The following PIK3R3 variants were observed in gnomAD, a reference collection of about 807,000 sequenced individuals.
PIK3R3 encodes the protein phosphoinositide-3-kinase regulatory subunit 3, also known as phosphatidylinositol 3-kinase regulatory subunit gamma.
Under a neutral mutation model 62.9 loss-of-function variants are expected in PIK3R3, and 64 were observed. That is an observed-to-expected ratio of 1.02 (90% CI 0.83 to 1.25). The LOEUF (loss-of-function observed/expected upper bound fraction) is 1.25. PIK3R3 is among the 50% of genes most tolerant of loss of function. The pLI, the probability that PIK3R3 is intolerant of heterozygous loss-of-function variation, is 0.00. For missense variants in PIK3R3, 614 were observed against 561.6 expected, an observed-to-expected ratio of 1.09 and a Z score of -0.94; for synonymous variants, 165 against 189.0, an observed-to-expected ratio of 0.87 and a Z score of 1.04.
chr1:46,041,821 C>G lies in PIK3R3; in HGVS notation c.*1852G>C, dbSNP rs1275197121. The G allele has an allele frequency of 4.7e-6, 1 of 211,746 alleles. No homozygotes were observed. The highest frequency in any genetic ancestry group is 5.9e-5 in the Admixed American group (1 of 17,016). 13.1% of individuals were successfully genotyped at this position (211,746 alleles called of 1,614,324 possible). ...CCCAATCCTGAAACTGCAGTGTAAC[C>G]AAGAAAAAGCCAAAGAGAAGCACTT... On this transcript the variant is annotated 3_prime_UTR_variant, in exon 10 of 10. Transcript: ENST00000262741.
upstream of PIK3R3, among the ~76,000 whole-genome samples, chr1:46,133,968 T>A (rs1035444792): frequency 6.6e-6 from 1 of 152,210 alleles, no homozygotes; most frequent in Admixed American, 6.5e-5. Context: ...TCTGGGAGAT[T>A]GGCTTCACTA....
At chr1:46,090,598 AT>A (rs1377335703) in intron 1 of PIK3R3, among the ~76,000 whole-genome samples, 1 of 152,016 alleles carries the variant, frequency 6.6e-6, no homozygotes, top group East Asian at 1.9e-4. Flanking sequence ...CTCCCAAAGT[AT>A]TGGGATTACA....
chr1:46,166,116 T>C, the PIK3R3 span, among the ~76,000 whole-genome samples: 2 of 151,738 alleles, frequency 1.3e-5, no homozygotes, highest in Admixed American at 1.3e-4. Context: ...TAAGAAGCAC[T>C]CTTTTTTTGG....
At chr1:46,053,104 T>C (rs1289922022) in intron 7 of PIK3R3, among the ~76,000 whole-genome samples, 6 of 152,200 alleles carry the variant, frequency 3.9e-5, no homozygotes, top group East Asian at 3.8e-4. Flanking sequence ...GCATGGACCA[T>C]GGGACACTGA....
At chr1:46,118,715 C>T (rs1654404818) in intron 1 of PIK3R3, among the ~76,000 whole-genome samples, 1 of 151,908 alleles carries the variant, frequency 6.6e-6, no homozygotes, top group African/African-American at 2.4e-5. Flanking sequence ...ACCACCACAC[C>T]CAGCTAATTT....
At chr1:46,141,459 T>C in the PIK3R3 span, among the ~76,000 whole-genome samples, 1 of 150,516 alleles carries the variant, frequency 6.6e-6, no homozygotes, top group Admixed American at 6.6e-5. Flanking sequence ...TTAGTAGAGA[T>C]GGGGTTTCAC....
intron 7 of PIK3R3, chr1:46,048,323 T>A (rs1355142272): frequency 6.6e-6 from 1 of 152,250 alleles, no homozygotes; most frequent in Non-Finnish European, 1.5e-5. Flanking sequence ...AATTTTAAAG[T>A]TCTGTTAGAC....
intron 1 of PIK3R3, among the ~76,000 whole-genome samples, chr1:46,127,872 A>G (rs1655235209): frequency 6.6e-6 from 1 of 152,148 alleles, no homozygotes; most frequent in African/African-American, 2.4e-5. Flanking sequence ...CAAAAATAAA[A>G]AGTTTTATGT....
At chr1:46,137,373 GA>G (rs1047205759), upstream of PIK3R3, among the ~76,000 whole-genome samples, 7 of 152,198 alleles carry the variant, frequency 4.6e-5, no homozygotes, top group African/African-American at 1.7e-4. Context: ...TGTGTTGGGG[GA>G]GCCCCAAAAA....
intron 7 of PIK3R3, among the ~76,000 whole-genome samples, chr1:46,051,227 A>C (rs1258890788): frequency 6.6e-6 from 1 of 152,140 alleles, no homozygotes; most frequent in Non-Finnish European, 1.5e-5. Flanking sequence ...AAAAGCAAAA[A>C]ATAAAACCAG....
At chr1:46,158,892 C>A in the PIK3R3 span, among the ~76,000 whole-genome samples, 3 of 152,080 alleles carry the variant, frequency 2.0e-5, no homozygotes, top group African/African-American at 7.2e-5. Context: ...TCGAGACCAG[C>A]CTAACCAATA....
intron 1 of PIK3R3, among the ~76,000 whole-genome samples, chr1:46,128,592 C>T (rs1655294539): frequency 6.6e-6 from 1 of 151,966 alleles, no homozygotes; most frequent in African/African-American, 2.4e-5. Context: ...TAGAAAGGCA[C>T]CTAAAGACTA....
intron 1 of PIK3R3, among the ~76,000 whole-genome samples, chr1:46,121,483 G>C (rs1654669753): frequency 6.6e-6 from 1 of 151,940 alleles, no homozygotes; most frequent in African/African-American, 2.4e-5. Flanking sequence ...ATTCATAATT[G>C]AATTTTTCTT....
intron 1 of PIK3R3, among the ~76,000 whole-genome samples, chr1:46,096,832 C>T (rs937818236): frequency 4.0e-4 from 58 of 144,388 alleles, no homozygotes; most frequent in Non-Finnish European, 6.8e-4. Context: ...CAGAGCGAGA[C>T]TCTGTCTTAA....
chr1:46,109,130 T>A (rs1353890693), intron 1 of PIK3R3, among the ~76,000 whole-genome samples: 2 of 143,848 alleles, frequency 1.4e-5, no homozygotes, highest in East Asian at 4.0e-4. Context: ...CTGCACTCCA[T>A]CCAGCCTGGG....
At chr1:46,120,152 T>C (rs892732166) in intron 1 of PIK3R3, among the ~76,000 whole-genome samples, 3 of 152,206 alleles carry the variant, frequency 2.0e-5, no homozygotes, top group Non-Finnish European at 4.4e-5. Context: ...CCAATGCCTA[T>C]ATTCCTCAAA....
chr1:46,118,847 C>T (rs542670880), intron 1 of PIK3R3, among the ~76,000 whole-genome samples: 2 of 152,150 alleles, frequency 1.3e-5, no homozygotes, highest in South Asian at 4.2e-4. Context: ...TGAGCCACCA[C>T]GCCCAGCCAC....
At chr1:46,122,404 C>G (rs777619084) in intron 1 of PIK3R3, among the ~76,000 whole-genome samples, 4 of 152,150 alleles carry the variant, frequency 2.6e-5, no homozygotes, top group Non-Finnish European at 5.9e-5. Context: ...GAGTCTCGCT[C>G]TGTCACCCAG....
At chr1:46,127,136 G>T (rs1655160862) in intron 1 of PIK3R3, among the ~76,000 whole-genome samples, 1 of 151,882 alleles carries the variant, frequency 6.6e-6, no homozygotes, top group South Asian at 2.1e-4. Flanking sequence ...GGAGTTCAAG[G>T]CCAGCCTAGG....
Sources: allele counts gnomAD v4.1 joint callset (sites outside exome capture counted in the v4.1 genomes callset), GRCh38; gene constraint gnomAD v4.1.1; transcripts MANE v1.5; gene names NCBI Gene and HGNC (gene_info 2026-07-23, HGNC 2026-07-21).